SGCD: variants seen among roughly 807,000 people sequenced by gnomAD.
SGCD encodes delta-sarcoglycan.
Under a neutral mutation model 36.6 loss-of-function variants are expected in SGCD, and 18 were observed. The ratio of observed to expected loss-of-function variants is 0.49; its 90% CI spans 0.34 to 0.73. The LOEUF is 0.73. Ranked by LOEUF, SGCD falls within the 30% of genes least tolerant of loss-of-function variation. SGCD has a pLI of 0.01. For synonymous variants in SGCD, 133 were observed against 130.6 expected (o/e 1.02, Z -0.12); for missense variants, 387 against 346.7 (o/e 1.12, Z -0.92).
At chr5:156,726,383 T>C (rs1455582974) in intron 7 of SGCD, among the ~76,000 whole-genome samples, 1 of 152,206 alleles carries the variant, frequency 6.6e-6, no homozygotes, top group Non-Finnish European at 1.5e-5. Flanking sequence ...TTGTCATCCC[T>C]CTGCGCATTA....
At chr5:156,244,280 C>T (rs1403658246) in intron 3 of SGCD, among the ~76,000 whole-genome samples, 12 of 152,114 alleles carry the variant, frequency 7.9e-5, no homozygotes, top group Admixed American at 3.3e-4. Context: ...ATTGAGGAAC[C>T]GTGTCCAGTT....
chr5:156,423,342 A>C (rs1483399508), intron 3 of SGCD, among the ~76,000 whole-genome samples: 1 of 18,004 alleles, frequency 5.6e-5, no homozygotes, highest in Non-Finnish European at 9.5e-5. Context: ...ATAATATAAT[A>C]TATTATAATT....
At chr5:155,942,243 A>C (rs1181770315) in intron 1 of SGCD, among the ~76,000 whole-genome samples, 1 of 152,164 alleles carries the variant, frequency 6.6e-6, no homozygotes, top group Admixed American at 6.5e-5. Context: ...GGCAGTGGAT[A>C]AGTTTTGTTT....
chr5:156,385,883 A>G (rs1340519256), intron 3 of SGCD, among the ~76,000 whole-genome samples: 2 of 152,192 alleles, frequency 1.3e-5, no homozygotes, highest in East Asian at 3.8e-4. Flanking sequence ...CAGTTGCCCA[A>G]ACTACCCTCA....
intron 1 of SGCD, among the ~76,000 whole-genome samples, chr5:156,084,507 A>G (rs1761047855): frequency 6.6e-6 from 1 of 152,232 alleles, no homozygotes; most frequent in Admixed American, 6.5e-5. Flanking sequence ...ATAAGAGATC[A>G]GGCATGTTCA....
intron 7 of SGCD, among the ~76,000 whole-genome samples, chr5:156,725,969 ATC>A (rs1423777738): frequency 6.6e-6 from 1 of 152,144 alleles, no homozygotes; most frequent in African/African-American, 2.4e-5. Flanking sequence ...ACTATTTTCT[ATC>A]TGTCACTTTC....
At chr5:156,071,895 T>A (rs910883242) in intron 1 of SGCD, among the ~76,000 whole-genome samples, 17 of 152,180 alleles carry the variant, frequency 1.1e-4, no homozygotes, top group African/African-American at 3.9e-4. Flanking sequence ...TGGCCTTCTT[T>A]GTCTCTTTTG....
chr5:156,499,535 T>C (rs776112689), intron 3 of SGCD, among the ~76,000 whole-genome samples: 6 of 152,182 alleles, frequency 3.9e-5, no homozygotes, highest in Non-Finnish European at 8.8e-5. Flanking sequence ...AAATCCCATG[T>C]GACCCAGAAA....
chr5:155,860,499 C>T, the SGCD span, among the ~76,000 whole-genome samples: 1 of 152,076 alleles, frequency 6.6e-6, no homozygotes, highest in Non-Finnish European at 1.5e-5. Flanking sequence ...TAGAATTAGC[C>T]ACTGGACAAC....
intron 6 of SGCD, among the ~76,000 whole-genome samples, chr5:156,611,978 C>G (rs1761831880): frequency 6.6e-6 from 1 of 151,974 alleles, no homozygotes; most frequent in Admixed American, 6.6e-5. Flanking sequence ...TGAATTTTTT[C>G]CTATTTCATT....
rs529083288 is a variant in SGCD at position 156,090,782 on chromosome 5, G to A, written c.-281-27096G>A. Among the ~76,000 whole-genome samples, 5 of 152,200 alleles carry A rather than the reference G, an allele frequency of 3.3e-5. No individual in the cohort carries two copies. The South Asian group carries it at 1.0e-3, about 32-fold the overall frequency. ...AGCTGTCGTTTATAGACCTACCCCT[G>A]GGAATGCATTCCTTCCCCAGGGTTA... On this transcript the variant is annotated intron_variant, in intron 1 of 9. Coordinates refer to the SGCD transcript ENST00000517913.
chr5:156,554,113 TG>T (rs1257089448), intron 4 of SGCD, among the ~76,000 whole-genome samples: 1 of 152,138 alleles, frequency 6.6e-6, no homozygotes. Context: ...CCCAGCACTT[TG>T]GGAAGCCAAG....
intron 7 of SGCD, among the ~76,000 whole-genome samples, chr5:156,732,156 AG>A (rs1756111920): frequency 6.6e-6 from 1 of 152,018 alleles, no homozygotes; most frequent in Admixed American, 6.5e-5. Flanking sequence ...CTGAATACCC[AG>A]GTGAGAACTT....
intron 1 of SGCD, among the ~76,000 whole-genome samples, chr5:155,896,471 A>C (rs1580977624): frequency 3.7e-5 from 1 of 27,102 alleles, no homozygotes; most frequent in Non-Finnish European, 7.3e-5. Context: ...CCCTGTCTCT[A>C]CAAAAAAAAA....
chr5:156,703,917 A>C (rs1754633427), intron 7 of SGCD: 1 of 152,024 alleles, frequency 6.6e-6, no homozygotes, highest in African/African-American at 2.4e-5. Flanking sequence ...AACCTGCCAT[A>C]CCTTCTTGTT....
chr5:156,175,190 A>G (rs80163981), intron 3 of SGCD, among the ~76,000 whole-genome samples: 4,171 of 152,274 alleles, frequency 0.027, 164 homozygotes, highest in African/African-American at 0.084. Flanking sequence ...ATAACCAAGA[A>G]TATTTATGGT....
At chr5:155,888,201 C>G (rs72797614) in intron 1 of SGCD, among the ~76,000 whole-genome samples, 1 of 152,160 alleles carries the variant, frequency 6.6e-6, no homozygotes, top group Non-Finnish European at 1.5e-5. Flanking sequence ...GTCACTTTGT[C>G]CCCAGGTTCT....
chr5:156,157,436 A>G (rs897034779), intron 3 of SGCD, among the ~76,000 whole-genome samples: 3 of 151,832 alleles, frequency 2.0e-5, no homozygotes, highest in South Asian at 4.1e-4. Flanking sequence ...CTTAGGTCTA[A>G]TGGGTGACTG....
intron 1 of SGCD, among the ~76,000 whole-genome samples, chr5:155,973,061 A>G (rs1230184653): frequency 3.3e-5 from 5 of 152,120 alleles, no homozygotes; most frequent in Admixed American, 3.3e-4. Flanking sequence ...AAATGTGTCA[A>G]TCTTTTTCTT....
Sources: gnomAD v4.1 joint callset for allele counts (sites outside exome capture counted in the v4.1 genomes callset) on GRCh38, gnomAD v4.1.1 for gene constraint, MANE v1.5 for transcripts, NCBI Gene and HGNC (gene_info 2026-07-23, HGNC 2026-07-21) for gene names.